SHANK2: variants seen among roughly 807,000 people sequenced by gnomAD.
The protein encoded by SHANK2 is SH3 and multiple ankyrin repeat domains 2.
Under a neutral mutation model 133.7 loss-of-function variants are expected in SHANK2, and 43 were observed. The ratio of observed to expected loss-of-function variants is 0.32; its 90% CI spans 0.25 to 0.41. SHANK2 has a LOEUF of 0.41. Ranked by LOEUF, SHANK2 falls within the 10% of genes least tolerant of loss-of-function variation. The pLI is 1.00. For missense variants in SHANK2, 1,994 were observed against 2,235.8 expected (o/e 0.89, Z 2.18); for synonymous variants, 1,017 against 952.8 (o/e 1.07, Z -1.24).
chr11:70,911,270 G>A, intron 10 of SHANK2: 1 of 441,222 alleles, frequency 2.3e-6, no homozygotes, highest in Admixed American at 2.4e-5. Context: ...CTGTTGCCCT[G>A]GCTTGAACCC....
intron 10 of SHANK2, chr11:70,950,029 C>G: frequency 2.2e-6 from 1 of 456,518 alleles, no homozygotes; most frequent in South Asian, 1.5e-5. Flanking sequence ...CTCAATGTGT[C>G]TTCATGGGCG....
intron 17 of SHANK2, among the ~76,000 whole-genome samples, chr11:70,539,196 C>T (rs1334064837): frequency 5.9e-5 from 9 of 152,166 alleles, no homozygotes; most frequent in Admixed American, 2.0e-4. Context: ...AGAGCGTGCA[C>T]GGCCGACCCC....
At position 71,248,215 on chromosome 11, in the gene SHANK2, G is replaced by A. The variant is rs537369462; in HGVS notation, c.-113+4210C>T. Among the ~76,000 whole-genome samples, 9 of 152,356 alleles carry A rather than the reference G, an allele frequency of 5.9e-5. No homozygotes were observed. The South Asian group carries it at 6.2e-4, about 11-fold the overall frequency. On this transcript the variant is annotated intron_variant, in intron 1 of 25. Coordinates refer to ENST00000601538, the MANE Select transcript of SHANK2 (RefSeq NM_012309.5). ...CCCAAAGCCCAGCATCAGTACTGGC[G>A]CCATGGCCAAGGAGACAGCCGTCCA...
In SHANK2 at chr11:70,486,459, C is replaced by G; in HGVS notation, c.3834G>C (p.Thr1278=). ...CCAGGTCGGTCTCGTACTTGTTCTCCGTCTCCTGCCGCCTCAGGGGTCCCC... is the reference window on the plus strand; with the variant it reads ...CCAGGTCGGTCTCGTACTTGTTCTCGGTCTCCTGCCGCCTCAGGGGTCCCC... The part of the protein sequence containing the change: ...NTRGPLRRQE[T]ENKYETDLGR... The change falls in exon 25 of 26, where the codon ACG becomes ACC. Residue 1278 remains threonine (T), a synonymous_variant. Transcript: ENST00000601538. This position sits in a 1 kb window ranked among gnomAD's most constrained non-coding sequence, Gnocchi z 8.0. The G allele has an allele frequency of 1.2e-6, 2 of 1,614,118 alleles. No homozygotes were observed. Among genetic ancestry groups the G allele is most frequent in the Non-Finnish European group, 1.7e-6 (2 of 1,180,032 alleles).
chr11:71,085,538 T>A (rs1428927552), intron 8 of SHANK2, among the ~76,000 whole-genome samples: 1 of 104,840 alleles, frequency 9.5e-6, no homozygotes, highest in Non-Finnish European at 1.8e-5. Flanking sequence ...TTATATTATA[T>A]AAAATATATA....
intron 17 of SHANK2, among the ~76,000 whole-genome samples, chr11:70,519,853 G>A (rs561928503): frequency 5.3e-5 from 8 of 151,002 alleles, no homozygotes; most frequent in Non-Finnish European, 8.8e-5. Flanking sequence ...CTCTCATCTC[G>A]GCCTCCCAAG....
intron 8 of SHANK2, among the ~76,000 whole-genome samples, chr11:71,078,183 A>AG (rs1264081509): frequency 6.6e-6 from 1 of 151,892 alleles, no homozygotes; most frequent in East Asian, 1.9e-4. Flanking sequence ...AAAAAAAAAA[A>AG]AAAAATCAAT....
intron 10 of SHANK2, among the ~76,000 whole-genome samples, chr11:70,904,203 G>A (rs1281884729): frequency 4.6e-5 from 7 of 152,320 alleles, no homozygotes; most frequent in East Asian, 1.9e-4. Context: ...CAAGGTGGGT[G>A]CCTGGAAATT....
chr11:71,183,804 C>A (rs77235678), intron 2 of SHANK2, among the ~76,000 whole-genome samples: 4,972 of 152,222 alleles, frequency 0.033, 257 homozygotes, highest in Admixed American at 0.15. Context: ...AGTCACAACC[C>A]CACCCGGTCT....
At chr11:70,772,734 A>C (rs1591831459) in intron 14 of SHANK2, among the ~76,000 whole-genome samples, 1 of 152,266 alleles carries the variant, frequency 6.6e-6, no homozygotes, top group East Asian at 1.9e-4. Context: ...CTCATCTTCC[A>C]CTGCTTTACA....
chr11:70,494,900 T>C (rs531158), intron 21 of SHANK2, among the ~76,000 whole-genome samples: 150,993 of 152,338 alleles, frequency 0.99, 74,839 homozygotes, highest in East Asian at 1. Flanking sequence ...TCCCTGCTCA[T>C]GCATTCTCTC....
At chr11:70,659,479 C>T (rs1555012577) in intron 17 of SHANK2, among the ~76,000 whole-genome samples, 2 of 152,202 alleles carry the variant, frequency 1.3e-5, no homozygotes, top group South Asian at 4.1e-4. Context: ...GATGACTCCT[C>T]TTGGTGCCTA....
intron 10 of SHANK2, among the ~76,000 whole-genome samples, chr11:70,902,414 T>G (rs888554036): frequency 6.6e-6 from 1 of 152,250 alleles, no homozygotes; most frequent in East Asian, 1.9e-4. Flanking sequence ...CTCAGCCAAG[T>G]GTGCGGCCGA....
chr11:70,553,601 G>A (rs1481436796), intron 17 of SHANK2, among the ~76,000 whole-genome samples: 3 of 152,326 alleles, frequency 2.0e-5, no homozygotes, highest in East Asian at 3.9e-4. Flanking sequence ...GTGCAGGAGT[G>A]CAGTGGGACG....
rs140651762 is a variant in SHANK2, at chr11:70,548,855, G to A, written c.2062-45924C>T. On this transcript the variant is annotated intron_variant, in intron 17 of 25. Coordinates refer to ENST00000601538, the MANE Select transcript of SHANK2 (RefSeq NM_012309.5). ...CAAGAGGACAATGTGGACACGCATGGTGGGAAGGAGGCCAGGTGAACACTG... is the reference window on the plus strand; with the variant it reads ...CAAGAGGACAATGTGGACACGCATGATGGGAAGGAGGCCAGGTGAACACTG... Among the ~76,000 whole-genome samples the A allele has an allele frequency of 2.1e-3, 325 of 152,290 alleles. 2 individuals carry two copies. Among genetic ancestry groups the A allele is most frequent in the African/African-American group, 7.5e-3 (311 of 41,548 alleles).
intron 14 of SHANK2, among the ~76,000 whole-genome samples, chr11:70,764,905 T>C (rs561766652): frequency 1.3e-5 from 2 of 152,342 alleles, no homozygotes; most frequent in African/African-American, 4.8e-5. Flanking sequence ...CCAAGTTCTA[T>C]GCAGGGCAGG....
intron 11 of SHANK2, among the ~76,000 whole-genome samples, chr11:70,838,524 G>T (rs372995186): frequency 2.0e-5 from 3 of 152,148 alleles, no homozygotes; most frequent in Non-Finnish European, 4.4e-5. Context: ...CTGAGGCTTT[G>T]TTGGGGGAGT....
intron 1 of SHANK2, among the ~76,000 whole-genome samples, chr11:71,230,380 G>C (rs1162509676): frequency 6.6e-6 from 1 of 151,584 alleles, no homozygotes; most frequent in Non-Finnish European, 1.5e-5. Context: ...AGGATATCAA[G>C]ACCACGGTGA....
Position 71,174,097 on chromosome 11 carries a change from C to T in SHANK2, c.-12-26759G>A, listed in dbSNP as rs900732111. On this transcript the variant is annotated intron_variant, in intron 2 of 25. Coordinates refer to ENST00000601538, the MANE Select transcript of SHANK2 (RefSeq NM_012309.5). ...AAGTGGCACCATTAAAAACTGCTGT[C>T]GATGTATTTCTCTTTGGATGATATG... is the stretch of plus-strand genomic sequence containing the variant. 1.1e-4 allele frequency among the ~76,000 whole-genome samples: 17 copies of T among 152,320 alleles called. 1 individual carries two copies. The East Asian group carries it at 1.9e-3, about 17-fold the overall frequency.
Sources: gnomAD v4.1 joint callset for allele counts (sites outside exome capture counted in the v4.1 genomes callset) on GRCh38, gnomAD v4.1.1 for gene constraint, Gnocchi (gnomAD v3.1) non-coding constraint, MANE v1.5 for transcripts, NCBI Gene and HGNC (gene_info 2026-07-23, HGNC 2026-07-21) for gene names.